FTO: variants seen among roughly 807,000 people sequenced by gnomAD.
FTO encodes alpha-ketoglutarate-dependent dioxygenase FTO.
FTO carries 47 observed loss-of-function variants against 63.9 expected under a neutral mutation model. That is an observed-to-expected ratio of 0.74 (90% CI 0.58 to 0.94). FTO has a LOEUF of 0.94. FTO is among the 40% of genes least tolerant of loss of function. The pLI is 0.00. For synonymous variants in FTO, 207 were observed against 224.4 expected (o/e 0.92, Z 0.69); for missense variants, 562 against 618.1 (o/e 0.91, Z 0.96).
intron 1 of FTO, among the ~76,000 whole-genome samples, chr16:53,734,990 C>T (rs74018194): frequency 3.1e-4 from 47 of 152,322 alleles, no homozygotes; most frequent in African/African-American, 1.1e-3. Flanking sequence ...AAAGGGAATG[C>T]GATTCCTACG....
chr16:53,918,749 C>T (rs1290321781), intron 7 of FTO, among the ~76,000 whole-genome samples: 1 of 152,172 alleles, frequency 6.6e-6, no homozygotes, highest in African/African-American at 2.4e-5. Flanking sequence ...TGGATGTCTT[C>T]TGTATAGCAG....
intron 1 of FTO, among the ~76,000 whole-genome samples, chr16:53,728,188 A>G (rs139250618): frequency 0.058 from 8,843 of 152,054 alleles, 838 homozygotes; most frequent in African/African-American, 0.2. Context: ...ACAGTGAGCT[A>G]TGATCACGCC....
At chr16:54,083,528 C>A (rs1194070167) in intron 8 of FTO, among the ~76,000 whole-genome samples, 1 of 152,176 alleles carries the variant, frequency 6.6e-6, no homozygotes, top group Non-Finnish European at 1.5e-5. Flanking sequence ...CACAGCCAGG[C>A]AGACTACAAT....
chr16:54,066,403 CCA>C (rs1314139224), intron 8 of FTO, among the ~76,000 whole-genome samples: 1 of 152,184 alleles, frequency 6.6e-6, no homozygotes, highest in East Asian at 1.9e-4. Context: ...AGGACTAACT[CCA>C]CAATTATGAA....
chr16:54,020,554 A>G (rs910655313), intron 8 of FTO, among the ~76,000 whole-genome samples: 1 of 151,756 alleles, frequency 6.6e-6, no homozygotes, highest in Non-Finnish European at 1.5e-5. Context: ...GCTTGAATAG[A>G]TGATGGGAAA....
intron 8 of FTO, among the ~76,000 whole-genome samples, chr16:53,936,541 T>C (rs1414666768): frequency 6.6e-6 from 1 of 152,158 alleles, no homozygotes; most frequent in African/African-American, 2.4e-5. Flanking sequence ...AAATGGGTGG[T>C]GGTGAAAGTT....
At chr16:54,088,635 G>A (rs1431069781) in intron 8 of FTO, among the ~76,000 whole-genome samples, 5 of 152,210 alleles carry the variant, frequency 3.3e-5, no homozygotes, top group South Asian at 4.2e-4. Context: ...TTCCAAATAC[G>A]GCAGTGAATT....
intron 8 of FTO, among the ~76,000 whole-genome samples, chr16:53,969,829 G>A (rs1022758342): frequency 2.6e-5 from 4 of 152,186 alleles, no homozygotes; most frequent in African/African-American, 9.7e-5. Flanking sequence ...CTCAGGAAAC[G>A]CAGAAAATAA....
chr16:54,092,936 A>T (rs1277537031), intron 8 of FTO, among the ~76,000 whole-genome samples: 1 of 152,248 alleles, frequency 6.6e-6, no homozygotes, highest in Non-Finnish European at 1.5e-5. Context: ...AGGAAGCAGC[A>T]TGCTCTATCC....
At chr16:53,891,811 T>C (rs2081156649) in intron 7 of FTO, among the ~76,000 whole-genome samples, 1 of 152,214 alleles carries the variant, frequency 6.6e-6, no homozygotes. Flanking sequence ...TAAGAGGAAA[T>C]ATCTGTTATT....
intron 1 of FTO, among the ~76,000 whole-genome samples, chr16:53,762,217 A>G (rs2077088525): frequency 6.6e-6 from 1 of 152,144 alleles, no homozygotes; most frequent in East Asian, 1.9e-4. Context: ...GTTTATTTTC[A>G]GCTCTTGCCT....
chr16:53,827,231 T>C (rs1178250272), intron 3 of FTO, among the ~76,000 whole-genome samples: 4 of 152,206 alleles, frequency 2.6e-5, no homozygotes, highest in Non-Finnish European at 4.4e-5. Context: ...ACATTTCTCT[T>C]CTTCTATTAT....
In FTO at chr16:53,995,604, C is replaced by T. The variant is rs1413860880; in HGVS notation, c.1364+61495C>T. Among the ~76,000 whole-genome samples, 9 of 152,312 alleles carry T rather than the reference C, an allele frequency of 5.9e-5. No individual in the cohort carries two copies. The East Asian group carries it at 1.7e-3, about 29-fold the overall frequency. On this transcript the variant is annotated intron_variant, in intron 8 of 8. Transcript: ENST00000471389. Reference sequence around the variant, plus strand: ...CTTTGTCTGCTATCTGTGGCGTGAACTTTACTAAAATGAAACATGATGCCA... The same window carrying T: ...CTTTGTCTGCTATCTGTGGCGTGAATTTTACTAAAATGAAACATGATGCCA...
rs753958759 is a variant in FTO, at chr16:53,826,462, C to T, written c.722C>T (p.Ala241Val). Residue 241 changes from alanine (A) to valine (V), a missense_variant, in exon 3 of 9, where the codon GCG becomes GTG. Physicochemically the swap from Ala to Val is moderately conservative, Grantham distance 64 (BLOSUM62 0). Transcript: ENST00000471389. ...HHDENLVDRS[A>V]VAVYSYSCEG... ...GATGAAAATCTGGTGGACAGGTCAG[C>T]GGTGGCAGTGTACAGTTATAGCTGT... 7.4e-6 allele frequency: 12 copies of T among 1,613,912 alleles called. No individual in the cohort carries two copies. Among genetic ancestry groups the T allele is most frequent in the South Asian group, 2.2e-5 (2 of 91,080 alleles).
intron 7 of FTO, among the ~76,000 whole-genome samples, chr16:53,889,470 T>C (rs775635087): frequency 2.6e-4 from 39 of 152,122 alleles, no homozygotes; most frequent in Non-Finnish European, 5.0e-4. Context: ...GTCCCAACAG[T>C]TGAACAAGGA....
chr16:54,088,623 T>C (rs2086303883), intron 8 of FTO, among the ~76,000 whole-genome samples: 1 of 152,200 alleles, frequency 6.6e-6, no homozygotes, highest in Admixed American at 6.5e-5. Flanking sequence ...AATAAACAGA[T>C]ATTCCAAATA....
intron 3 of FTO, among the ~76,000 whole-genome samples, chr16:53,834,884 G>A (rs1457247124): frequency 2.6e-5 from 4 of 151,916 alleles, no homozygotes; most frequent in Non-Finnish European, 5.9e-5. Flanking sequence ...CTTTCTCCCT[G>A]CCTGCCTACA....
At chr16:53,792,787 C>T (rs1472050399) in intron 1 of FTO, among the ~76,000 whole-genome samples, 1 of 152,130 alleles carries the variant, frequency 6.6e-6, no homozygotes, top group Non-Finnish European at 1.5e-5. Context: ...TTCATCTGAA[C>T]AGGTGTGGCC....
intron 8 of FTO, among the ~76,000 whole-genome samples, chr16:53,943,606 G>A (rs2082587577): frequency 6.6e-6 from 1 of 152,208 alleles, no homozygotes; most frequent in Non-Finnish European, 1.5e-5. Context: ...TGGAATGACA[G>A]ATATGAACTC....
Sources: allele counts gnomAD v4.1 joint callset (sites outside exome capture counted in the v4.1 genomes callset), GRCh38; gene constraint gnomAD v4.1.1; transcripts MANE v1.5; gene names NCBI Gene and HGNC (gene_info 2026-07-23, HGNC 2026-07-21).